The following GALNT13 variants were observed in gnomAD, a reference collection of about 807,000 sequenced individuals.
The protein encoded by GALNT13 is polypeptide N-acetylgalactosaminyltransferase 13, also known as UDP-GalNAc:polypeptide N-acetylgalactosaminyltransferase 13.
In GALNT13, 28 loss-of-function variants were observed where a neutral mutation model predicts 64.2. The ratio of observed to expected loss-of-function variants is 0.44; its 90% confidence interval spans 0.32 to 0.60. GALNT13 has a LOEUF of 0.60. Ranked by LOEUF, GALNT13 falls within the 20% of genes least tolerant of loss-of-function variation. The pLI is 0.05. For missense variants in GALNT13, 577 were observed against 669.8 expected, an observed-to-expected ratio of 0.86 and a Z score of 1.53; for synonymous variants, 214 against 224.6, an observed-to-expected ratio of 0.95 and a Z score of 0.42.
the GALNT13 span, among the ~76,000 whole-genome samples, chr2:153,726,297 G>C: frequency 6.6e-6 from 1 of 151,960 alleles, no homozygotes; most frequent in African/African-American, 2.4e-5. Context: ...AGTCAACGCT[G>C]TCTTTAGTAA....
At chr2:153,889,737 C>A (rs1202623657) in intron 1 of GALNT13, among the ~76,000 whole-genome samples, 1 of 151,964 alleles carries the variant, frequency 6.6e-6, no homozygotes, top group Non-Finnish European at 1.5e-5. Context: ...CCTGCTTAAG[C>A]AGTCAGTATA....
intron 8 of GALNT13, among the ~76,000 whole-genome samples, chr2:154,280,130 A>G (rs1381686170): frequency 6.6e-6 from 1 of 152,212 alleles, no homozygotes; most frequent in Non-Finnish European, 1.5e-5. Flanking sequence ...GGAGAAAGGC[A>G]TCCTGTCTAT....
chr2:153,885,024 G>A (rs562501492), intron 1 of GALNT13, among the ~76,000 whole-genome samples: 6 of 148,992 alleles, frequency 4.0e-5, no homozygotes, highest in Non-Finnish European at 8.9e-5. Context: ...GGCAACAAGA[G>A]CAAAACTTTG....
At chr2:153,630,378 C>T in the GALNT13 span, among the ~76,000 whole-genome samples, 93 of 151,280 alleles carry the variant, frequency 6.1e-4, no homozygotes, top group African/African-American at 2.1e-3. Flanking sequence ...AATCATCATC[C>T]TCTGTAAACT....
chr2:154,107,846 G>C (rs769444346), intron 3 of GALNT13, among the ~76,000 whole-genome samples: 10 of 151,958 alleles, frequency 6.6e-5, no homozygotes, highest in Non-Finnish European at 1.0e-4. Flanking sequence ...ATATGTTAGA[G>C]AGAACATGTA....
chr2:154,156,314 A>G (rs1489811568), intron 4 of GALNT13, among the ~76,000 whole-genome samples: 2 of 152,122 alleles, frequency 1.3e-5, no homozygotes, highest in African/African-American at 4.8e-5. Context: ...TTTCTAAGCT[A>G]TATTTTATAA....
chr2:153,390,421 T>A, the GALNT13 span, among the ~76,000 whole-genome samples: 1 of 151,770 alleles, frequency 6.6e-6, no homozygotes, highest in South Asian at 2.1e-4. Flanking sequence ...GTAACAAAAC[T>A]GAATGTTCTG....
chr2:154,158,507 A>G (rs1296989716), intron 4 of GALNT13, among the ~76,000 whole-genome samples: 1 of 152,092 alleles, frequency 6.6e-6, no homozygotes, highest in Non-Finnish European at 1.5e-5. Flanking sequence ...TGTTGTTGTT[A>G]TGTTTAATTT....
chr2:153,628,268 A>G, the GALNT13 span, among the ~76,000 whole-genome samples: 88 of 151,764 alleles, frequency 5.8e-4, no homozygotes, highest in African/African-American at 1.9e-3. Flanking sequence ...GGTTTTCTAG[A>G]TATACAATCA....
At chr2:153,984,307 C>T (rs954461133) in intron 3 of GALNT13, among the ~76,000 whole-genome samples, 1 of 151,544 alleles carries the variant, frequency 6.6e-6, no homozygotes, top group African/African-American at 2.4e-5. Context: ...TCAACACAGT[C>T]ATTATGTGTG....
chr2:153,383,301 A>C, the GALNT13 span, among the ~76,000 whole-genome samples: 1 of 152,102 alleles, frequency 6.6e-6, no homozygotes, highest in Non-Finnish European at 1.5e-5. Context: ...GTTTCTCGGC[A>C]TCCACATAGC....
At chr2:154,118,613 G>T (rs1238559934) in intron 3 of GALNT13, among the ~76,000 whole-genome samples, 1 of 150,708 alleles carries the variant, frequency 6.6e-6, no homozygotes, top group African/African-American at 2.4e-5. Context: ...CTTTCTTTGT[G>T]GTTCCATGGT....
chr2:153,948,248 A>T (rs941355857), intron 3 of GALNT13, among the ~76,000 whole-genome samples: 1 of 151,998 alleles, frequency 6.6e-6, no homozygotes, highest in Non-Finnish European at 1.5e-5. Flanking sequence ...GACTAAAAAA[A>T]AAAAAGCTCA....
chr2:153,171,345 A>C, the GALNT13 span, among the ~76,000 whole-genome samples: 1 of 152,194 alleles, frequency 6.6e-6, no homozygotes. Flanking sequence ...AGTGAGCATT[A>C]GTTTTAAAAA....
the GALNT13 span, among the ~76,000 whole-genome samples, chr2:153,155,271 C>A: frequency 2.0e-5 from 3 of 151,834 alleles, no homozygotes; most frequent in Non-Finnish European, 4.4e-5. Context: ...CTCCTCAATT[C>A]TTTGGAATAG....
Position 154,016,230 on chromosome 2 carries a change from C to A in GALNT13, c.142+71591C>A, listed in dbSNP as rs181915266. Reference sequence around the variant, plus strand: ...TCCATCTAAGCTTTTTAAATTGGGACATTACACAAAGTGATCAAAATAGAG... The same window carrying A: ...TCCATCTAAGCTTTTTAAATTGGGAAATTACACAAAGTGATCAAAATAGAG... On this transcript the variant is annotated intron_variant, in intron 3 of 12. Coordinates refer to ENST00000392825, the MANE Select transcript of GALNT13 (RefSeq NM_052917.4). 8.5e-5 allele frequency among the ~76,000 whole-genome samples: 13 copies of A among 152,216 alleles called. No individual in the cohort carries two copies. In the East Asian group the frequency reaches 2.3e-3, roughly 27 times the overall value.
chr2:154,303,012 T>C (rs1249622085), intron 9 of GALNT13, among the ~76,000 whole-genome samples: 2 of 152,136 alleles, frequency 1.3e-5, no homozygotes, highest in East Asian at 3.9e-4. Flanking sequence ...GAAATATACT[T>C]TGGGTTCCTT....
chr2:153,244,907 C>T, the GALNT13 span, among the ~76,000 whole-genome samples: 1 of 152,224 alleles, frequency 6.6e-6, no homozygotes, highest in African/African-American at 2.4e-5. Flanking sequence ...CAGCAGAAGT[C>T]TGGAGTCCAC....
chr2:153,732,914 A>C, the GALNT13 span, among the ~76,000 whole-genome samples: 1 of 152,132 alleles, frequency 6.6e-6, no homozygotes, highest in South Asian at 2.1e-4. Context: ...TGTAATAAAA[A>C]TAGAAAGACA....
Sources: allele counts gnomAD v4.1 joint callset (sites outside exome capture counted in the v4.1 genomes callset), GRCh38; gene constraint gnomAD v4.1.1; transcripts MANE v1.5; gene names NCBI Gene and HGNC (gene_info 2026-07-23, HGNC 2026-07-21).